The following ARHGAP26 variants were observed in gnomAD, a reference collection of about 807,000 sequenced individuals.
ARHGAP26 encodes the protein rho GTPase-activating protein 26.
In ARHGAP26, 38 loss-of-function variants were observed where a neutral mutation model predicts 104.8. That is an observed-to-expected ratio of 0.36 (90% CI 0.28 to 0.48). The LOEUF is 0.48. Ranked by LOEUF, ARHGAP26 falls within the 20% of genes least tolerant of loss-of-function variation. The pLI is 0.99. For synonymous variants in ARHGAP26, 341 were observed against 340.0 expected (o/e 1.00, Z -0.03); for missense variants, 704 against 947.9 (o/e 0.74, Z 3.38).
intron 11 of ARHGAP26, among the ~76,000 whole-genome samples, chr5:143,004,157 A>G (rs552831972): frequency 1.7e-3 from 258 of 152,260 alleles, no homozygotes; most frequent in South Asian, 0.014. Flanking sequence ...TGGTTGAGGT[A>G]TGGCTGCTGG....
chr5:143,124,837 T>TA (rs1796545161), intron 18 of ARHGAP26, among the ~76,000 whole-genome samples: 1 of 152,218 alleles, frequency 6.6e-6, no homozygotes, highest in African/African-American at 2.4e-5. Flanking sequence ...GCAGGGGATC[T>TA]ATGGTACCCA....
chr5:143,049,675 T>A (rs1372125130), intron 14 of ARHGAP26, among the ~76,000 whole-genome samples: 1 of 152,254 alleles, frequency 6.6e-6, no homozygotes, highest in Non-Finnish European at 1.5e-5. Context: ...GCTATTTTCC[T>A]GATTCCTGTT....
chr5:142,784,923 ATTTTTT>A (rs35315311), intron 1 of ARHGAP26, among the ~76,000 whole-genome samples: 3 of 118,134 alleles, frequency 2.5e-5, no homozygotes, highest in African/African-American at 3.6e-5. Context: ...CTTCCTTAGG[ATTTTTT>A]TTTTTTTTTT....
rs138646848 is a variant in ARHGAP26 at position 143,228,871 on chromosome 5, T to A, written c.*6425T>A. ...AAATGCTTTTGTGTCACCAAATATA[T>A]CTATAAAGAAAACAAAATTTCTGTT... is the stretch of plus-strand genomic sequence containing the variant. On this transcript the variant is annotated 3_prime_UTR_variant, in exon 23 of 23. Transcript: ENST00000645722. The A allele has an allele frequency of 1.2e-3, 228 of 188,480 alleles. 1 individual carries two copies. Among genetic ancestry groups the A allele is most frequent in the African/African-American group, 5.1e-3 (219 of 42,928 alleles). 11.7% of individuals were successfully genotyped at this position (188,480 alleles called of 1,614,324 possible). A position where few individuals can be genotyped will look rare whatever the true frequency, so the allele number is the denominator to read the frequency against.
intron 1 of ARHGAP26, among the ~76,000 whole-genome samples, chr5:142,801,259 T>C (rs888702073): frequency 1.3e-5 from 2 of 152,242 alleles, no homozygotes; most frequent in Admixed American, 6.5e-5. Context: ...TCCTGTCATC[T>C]TGAAGTTCAC....
intron 17 of ARHGAP26, among the ~76,000 whole-genome samples, chr5:143,088,432 A>G (rs1230917584): frequency 1.3e-5 from 2 of 152,094 alleles, no homozygotes; most frequent in South Asian, 2.1e-4. Flanking sequence ...CTGAGATGCC[A>G]TGATGATCAT....
chr5:143,222,995 A>G lies in ARHGAP26; in HGVS notation c.*549A>G, dbSNP rs10058887. The G allele has an allele frequency of 3.2e-3, 749 of 233,220 alleles. 4 individuals carry two copies. Among genetic ancestry groups the G allele is most frequent in the African/African-American group, 0.015 (696 of 45,430 alleles). The allele number at this position is 233,220 out of a possible 1,614,324, so 14.4% of individuals were successfully genotyped here. ...TGAAGAGGGTTAAAACACTGTTTAT[A>G]TAAGATCCAATCTCTCACCATCTCT... On this transcript the variant is annotated 3_prime_UTR_variant, in exon 23 of 23. Coordinates refer to ENST00000645722, the MANE Select transcript of ARHGAP26 (RefSeq NM_001135608.3).
intron 1 of ARHGAP26, among the ~76,000 whole-genome samples, chr5:142,841,801 C>G (rs187784025): frequency 1.3e-5 from 2 of 152,178 alleles, no homozygotes; most frequent in Non-Finnish European, 2.9e-5. Context: ...GTGCCTGAGT[C>G]GTGTGGAAGG....
rs531907984 is a variant in ARHGAP26, at chr5:142,809,718, G to A, written c.154+38803G>A. ...CCTCTTAACTTCTGCCAGTCCTGCT[G>A]GAGCCATCCACTCCTTCATTCATCT... On this transcript the variant is annotated intron_variant, in intron 1 of 22. Transcript: ENST00000645722. 2.0e-5 allele frequency among the ~76,000 whole-genome samples: 3 copies of A among 152,282 alleles called. No individual in the cohort carries two copies. In the South Asian group the frequency reaches 6.2e-4, roughly 32 times the overall value.
chr5:142,934,100 C>T (rs950511644), intron 11 of ARHGAP26, among the ~76,000 whole-genome samples: 2 of 152,152 alleles, frequency 1.3e-5, no homozygotes, highest in African/African-American at 4.8e-5. Flanking sequence ...ACTACTGTCT[C>T]TCCCCCTGCC....
At chr5:142,863,358 C>T (rs1195923124) in intron 1 of ARHGAP26, among the ~76,000 whole-genome samples, 9 of 152,152 alleles carry the variant, frequency 5.9e-5, no homozygotes, top group South Asian at 2.1e-4. Context: ...CCGCCCACCT[C>T]GGCCTCCCAG....
chr5:143,160,783 A>G (rs1378566018), intron 20 of ARHGAP26, among the ~76,000 whole-genome samples: 2 of 152,182 alleles, frequency 1.3e-5, no homozygotes, highest in African/African-American at 2.4e-5. Context: ...CTGGCCTGGT[A>G]TATTTTAAGT....
chr5:142,783,014 C>CACCA (rs1361819413), intron 1 of ARHGAP26, among the ~76,000 whole-genome samples: 3 of 152,202 alleles, frequency 2.0e-5, no homozygotes, highest in Non-Finnish European at 4.4e-5. Context: ...CCCCCACTCC[C>CACCA]TTCCATCTCA....
At chr5:143,088,855 G>A (rs1310003867) in intron 17 of ARHGAP26, among the ~76,000 whole-genome samples, 1 of 151,920 alleles carries the variant, frequency 6.6e-6, no homozygotes, top group African/African-American at 2.4e-5. Flanking sequence ...AGAGAGTGAC[G>A]GGGTGAGTGG....
chr5:143,077,585 C>T (rs58956055), intron 17 of ARHGAP26, among the ~76,000 whole-genome samples: 7,045 of 152,228 alleles, frequency 0.046, 571 homozygotes, highest in African/African-American at 0.16. Context: ...AAAGGCTCAC[C>T]GTAGATGACT....
chr5:143,140,128 G>A (rs1205146173), intron 19 of ARHGAP26, among the ~76,000 whole-genome samples: 1 of 152,188 alleles, frequency 6.6e-6, no homozygotes, highest in Non-Finnish European at 1.5e-5. Context: ...GAGTCAGGAG[G>A]TCTTGGCTGG....
At chr5:142,797,224 G>A (rs949120101) in intron 1 of ARHGAP26, among the ~76,000 whole-genome samples, 14 of 152,166 alleles carry the variant, frequency 9.2e-5, no homozygotes, top group Admixed American at 4.6e-4. Flanking sequence ...ATAAATGCTA[G>A]GGTTCCTGTT....
chr5:142,801,232 A>ACACATCTAGTTCTCCCTC (rs1217694366), intron 1 of ARHGAP26, among the ~76,000 whole-genome samples: 6 of 152,152 alleles, frequency 3.9e-5, no homozygotes, highest in African/African-American at 1.4e-4. Flanking sequence ...ATTGTGTTTT[A>ACACATCTAGTTCTCCCTC]CACATCTAGT....
intron 6 of ARHGAP26, among the ~76,000 whole-genome samples, chr5:142,895,838 A>C (rs937112136): frequency 2.0e-5 from 3 of 152,196 alleles, no homozygotes; most frequent in Non-Finnish European, 4.4e-5. Context: ...TAAAAACAAA[A>C]AAAGATTACA....
Sources: gnomAD v4.1 joint callset for allele counts (sites outside exome capture counted in the v4.1 genomes callset) on GRCh38, gnomAD v4.1.1 for gene constraint, MANE v1.5 for transcripts, NCBI Gene and HGNC (gene_info 2026-07-23, HGNC 2026-07-21) for gene names.